CCDC146: variants seen among roughly 807,000 people sequenced by gnomAD.
CCDC146 encodes coiled-coil domain containing 146.
In CCDC146, 92 loss-of-function variants were observed where a neutral mutation model predicts 119.3. The ratio of observed to expected loss-of-function variants is 0.77; its 90% CI spans 0.65 to 0.92. The LOEUF is 0.92. Among genes scored for constraint, CCDC146 ranks in the 40% least tolerant of loss-of-function variants. CCDC146 has a pLI of 0.00. For missense variants in CCDC146, 1,000 were observed against 1,103.0 expected (o/e 0.91, Z 1.32); for synonymous variants, 372 against 371.8 (o/e 1.00, Z -0.01).
At chr7:77,228,334 A>G (rs2150472028) in intron 2 of CCDC146, among the ~76,000 whole-genome samples, 1 of 151,968 alleles carries the variant, frequency 6.6e-6, no homozygotes, top group East Asian at 1.9e-4. Context: ...GACAGGCCCC[A>G]GTGTGTGTTG....
intron 1 of CCDC146, among the ~76,000 whole-genome samples, chr7:77,130,743 C>T (rs568210251): frequency 4.0e-5 from 6 of 149,736 alleles, no homozygotes; most frequent in South Asian, 4.2e-4. Flanking sequence ...GGACTACAGG[C>T]GCGCGCCACC....
chr7:77,196,306 C>T lies in CCDC146; in HGVS notation c.156+28482C>T, dbSNP rs1406959746. 1 of 1,613,848 alleles carries T rather than the reference C, an allele frequency of 6.2e-7. No homozygotes were observed. Among genetic ancestry groups the T allele is most frequent in the Non-Finnish European group, 8.5e-7 (1 of 1,179,920 alleles). ...ATGGCTTAAAGTGCTTGGGTCTGAT[C>T]ATCATCTTAGCCTCTTTGAAGGAGG... On this transcript the variant is annotated intron_variant, in intron 2 of 18. Transcript: ENST00000285871. The surrounding 1 kb of genome is among the most constrained non-coding windows in gnomAD (Gnocchi z 4.2).
chr7:77,250,973 TTGTGTGTGTGTGTGTG>T (rs58026945), intron 4 of CCDC146, among the ~76,000 whole-genome samples: 6,074 of 114,712 alleles, frequency 0.053, 167 homozygotes, highest in South Asian at 0.088. Flanking sequence ...TCTCTGGTAT[TTGTGTGTGTGTGTGTG>T]TGTGTGTGTG....
intron 4 of CCDC146, among the ~76,000 whole-genome samples, chr7:77,247,920 C>A (rs1003549807): frequency 6.6e-6 from 1 of 152,140 alleles, no homozygotes; most frequent in African/African-American, 2.4e-5. Flanking sequence ...ATCCATCTGG[C>A]AATCCTACTA....
intron 1 of CCDC146, among the ~76,000 whole-genome samples, chr7:77,143,923 T>C (rs1276410045): frequency 6.6e-6 from 1 of 151,824 alleles, no homozygotes; most frequent in African/African-American, 2.4e-5. Flanking sequence ...CCACATGAAC[T>C]TTAAAGTAGT....
At chr7:77,283,304 T>A (rs961678167) in intron 15 of CCDC146, among the ~76,000 whole-genome samples, 2 of 152,178 alleles carry the variant, frequency 1.3e-5, no homozygotes, top group African/African-American at 2.4e-5. Flanking sequence ...TGGCCTTTTT[T>A]AAAGTGGAAT....
intron 10 of CCDC146, 111 bp downstream of exon 10, chr7:77,273,900 T>C (rs7810561): frequency 0.058 from 33,265 of 572,342 alleles, 1,334 homozygotes; most frequent in African/African-American, 0.17. Context: ...AAAGAGAGTA[T>C]GATCCTGCTT....
intron 2 of CCDC146, among the ~76,000 whole-genome samples, chr7:77,234,303 G>A (rs1003492173): frequency 6.7e-6 from 1 of 148,850 alleles, no homozygotes; most frequent in African/African-American, 2.5e-5. Flanking sequence ...ACTATGGTCT[G>A]TATACTTTGG....
chr7:77,280,459 C>T lies in CCDC146; in HGVS notation c.1725C>T (p.Ala575=), dbSNP rs776361703. 4 of 1,613,284 alleles carry T rather than the reference C, an allele frequency of 2.5e-6. No individual in the cohort carries two copies. In the Admixed American group the frequency reaches 6.7e-5, roughly 27 times the overall value. Residue 575 remains alanine (A), a synonymous_variant, in exon 14 of 19, where the codon GCC becomes GCT. Transcript: ENST00000285871. ...RKLQNSMLKH[A]NNVTIRESMQ... is the part of the protein sequence containing the mutation. Reference sequence around the variant, plus strand: ...TACAAAATTCCATGCTGAAACACGCCAACAATGTTACCATCAGAGAGAGCA... The same window carrying T: ...TACAAAATTCCATGCTGAAACACGCTAACAATGTTACCATCAGAGAGAGCA...
intron 2 of CCDC146, among the ~76,000 whole-genome samples, chr7:77,212,999 C>A (rs893477546): frequency 1.6e-5 from 2 of 122,328 alleles, no homozygotes; most frequent in African/African-American, 6.4e-5. Context: ...GTGGTGCCAT[C>A]AACTTTGTTT....
chr7:77,278,145 A>G (rs1225387715), intron 11 of CCDC146, among the ~76,000 whole-genome samples: 3 of 152,184 alleles, frequency 2.0e-5, no homozygotes, highest in Non-Finnish European at 2.9e-5. Flanking sequence ...AACACTCACC[A>G]AAACTTACTA....
Position 77,293,184 on chromosome 7 carries a change from T to C in CCDC146, c.2648T>C (p.Ile883Thr). Residue 883 changes from isoleucine (I) to threonine (T), a missense_variant, in exon 18 of 19, where the codon ATC (isoleucine) becomes ACC (threonine). Ile to Thr is a moderately conservative substitution (Grantham distance 89). Coordinates refer to ENST00000285871, the MANE Select transcript of CCDC146 (RefSeq NM_020879.3). ...LRDEEMHALA[I>T]AEKSQEFLEA... ...GATGAAGAAATGCACGCCTTGGCCA[T>C]CGCTGAAAAGTCTCAGGTAGGCTTT... 1 of 1,614,006 alleles carries C rather than the reference T, an allele frequency of 6.2e-7. No homozygotes were observed. The highest frequency in any genetic ancestry group is 1.1e-5 in the South Asian group (1 of 91,072).
rs1264059275 is a variant in CCDC146, at chr7:77,274,491, T to C, written c.1279T>C (p.Ser427Pro). 6.5e-7 allele frequency: 1 copy of C among 1,549,016 alleles called. No homozygotes were observed. The highest frequency in any genetic ancestry group is 8.7e-7 in the Non-Finnish European group (1 of 1,151,342). The change falls in exon 11 of 19, where the codon TCA (serine) becomes CCA (proline). Residue 427 changes from serine (S) to proline (P), a missense_variant. Physicochemically the swap from Ser to Pro is moderately conservative, Grantham distance 74. Coordinates refer to ENST00000285871, the MANE Select transcript of CCDC146 (RefSeq NM_020879.3). Reference sequence around the variant, plus strand: ...TGTTTTTTTTCAAAAGAAAATTATATCAGAAATGGAGTCTAAGTTAGTAGA... The same window carrying C: ...TGTTTTTTTTCAAAAGAAAATTATACCAGAAATGGAGTCTAAGTTAGTAGA... Reference protein sequence around the residue: ...KRNLAQQKIISEMESKLVEQQ... With the variant: ...KRNLAQQKIIPEMESKLVEQQ...
In CCDC146 at chr7:77,183,189, G is replaced by A. The variant is rs1791615713; in HGVS notation, c.156+15365G>A. ...CTTTTAAAATCTCCTCAGAAACAGG[G>A]CTTCCCACCCTCAGGCTATATATTT... is the stretch of plus-strand genomic sequence containing the variant. On this transcript the variant is annotated intron_variant, in intron 2 of 18. Transcript: ENST00000285871. Among the ~76,000 whole-genome samples, 4 of 151,792 alleles carry A rather than the reference G, an allele frequency of 2.6e-5. No individual in the cohort carries two copies. In the South Asian group the frequency reaches 6.2e-4, roughly 24 times the overall value.
Position 77,260,166 on chromosome 7 carries a change from C to G in CCDC146, c.916C>G (p.Arg306Gly). Residue 306 changes from arginine to glycine, a missense_variant, in exon 8 of 19, where the codon CGA (arginine) becomes GGA (glycine). Physicochemically the swap from Arg to Gly is moderately radical, Grantham distance 125. Transcript: ENST00000285871. ...GKRALLEIKE[R>G]EHNQLVKLLE... ...ACGAGCCTTACTTGAAATCAAAGAA[C>G]GAGAACATAACCAATTGGTCAAGCT... 6.2e-7 allele frequency: 1 copy of G among 1,613,894 alleles called. No homozygotes were observed. Among genetic ancestry groups the G allele is most frequent in the Non-Finnish European group, 8.5e-7 (1 of 1,179,978 alleles).
In CCDC146 at chr7:77,198,072, T is replaced by C. The variant is rs905782832; in HGVS notation, c.156+30248T>C. ...AAAATAGACAATAGTCTTCATATCA[T>C]GACAAGTTGCCATGCAGCATCTAAT... On this transcript the variant is annotated intron_variant, in intron 2 of 18. Coordinates refer to ENST00000285871, the MANE Select transcript of CCDC146 (RefSeq NM_020879.3). 8 of 933,288 alleles carry C rather than the reference T, an allele frequency of 8.6e-6. No individual in the cohort carries two copies. The South Asian group carries it at 4.0e-4, about 46-fold the overall frequency. 57.8% of individuals were successfully genotyped at this position (933,288 alleles called of 1,614,324 possible).
chr7:77,130,233 A>G lies in CCDC146; in HGVS notation c.-12+7501A>G, dbSNP rs535482779. Among the ~76,000 whole-genome samples, 84 of 152,232 alleles carry G rather than the reference A, an allele frequency of 5.5e-4. 3 individuals are homozygous for G. In the East Asian group the frequency reaches 0.016, roughly 29 times the overall value. On this transcript the variant is annotated intron_variant, in intron 1 of 18. Coordinates refer to ENST00000285871, the MANE Select transcript of CCDC146 (RefSeq NM_020879.3). The stretch of plus-strand genomic sequence containing the variant: ...CAAAAGTTATAGCCACAGTGCCTGT[A>G]TAGGATATATAGGGTACTATCCACA...
rs761367803 is a variant in CCDC146 at position 77,241,900 on chromosome 7, G to T, written c.449G>T (p.Ser150Ile). The change falls in exon 4 of 19, where the codon AGC (serine) becomes ATC (isoleucine). Residue 150 changes from serine to isoleucine, a missense_variant and splice_region_variant. By Grantham distance (142) the Ser-to-Ile change is moderately radical. Coordinates refer to ENST00000285871, the MANE Select transcript of CCDC146 (RefSeq NM_020879.3). ...TTCCATAATCAGTACAGATTAAATA[G>T]GTAAGTGCACAGTTCTCTCCGGCAC... ...REFHNQYRLN[S>I]LKEEKIIIVK... 20 of 1,604,266 alleles carry T rather than the reference G, an allele frequency of 1.2e-5. No individual in the cohort carries two copies. In the Admixed American group the frequency reaches 3.3e-4, roughly 27 times the overall value.
chr7:77,127,363 A>G (rs1790704137), intron 1 of CCDC146, among the ~76,000 whole-genome samples: 3 of 152,072 alleles, frequency 2.0e-5, no homozygotes, highest in African/African-American at 7.3e-5. Flanking sequence ...AGCACCGTCC[A>G]GGAGGGTGGG....
Sources: gnomAD v4.1 joint callset for allele counts (sites outside exome capture counted in the v4.1 genomes callset) on GRCh38, gnomAD v4.1.1 for gene constraint, Gnocchi (gnomAD v3.1) non-coding constraint, MANE v1.5 for transcripts, NCBI Gene and HGNC (gene_info 2026-07-23, HGNC 2026-07-21) for gene names.